Variants in RAB27A observed in about 807,000 individuals in gnomAD.
RAB27A encodes the protein RAB27A, member RAS oncogene family.
A neutral mutation model predicts 20.8 loss-of-function variants in RAB27A; 17 were observed. The observed-to-expected ratio is 0.82, with a 90% CI of 0.56 to 1.23. The LOEUF (loss-of-function observed/expected upper bound fraction) is 1.23. RAB27A is among the 50% of genes most tolerant of loss of function. The pLI is 0.00. For synonymous variants in RAB27A, 85 were observed against 92.8 expected (o/e 0.92, Z 0.48); for missense variants, 277 against 266.7 (o/e 1.04, Z -0.27).
intron 2 of RAB27A, among the ~76,000 whole-genome samples, chr15:55,258,123 T>G (rs563501365): frequency 1.1e-4 from 16 of 151,872 alleles, no homozygotes; most frequent in African/African-American, 3.9e-4. Flanking sequence ...AGTATCACTT[T>G]CCTCCAGCTC....
In RAB27A at chr15:55,234,966, A is replaced by G. The variant is rs770566993; in HGVS notation, c.-22-10T>C. 1.3e-6 allele frequency: 2 copies of G among 1,586,634 alleles called. No individual in the cohort carries two copies. The highest frequency in any genetic ancestry group is 1.7e-6 in the Non-Finnish European group (2 of 1,163,654). Reference sequence around the variant, plus strand: ...GAACTCAGTAGTTCACCTGTAAAATACACACAAAATTTTTTAATTAAAATC... The same window carrying G: ...GAACTCAGTAGTTCACCTGTAAAATGCACACAAAATTTTTTAATTAAAATC... On this transcript the variant is annotated splice_polypyrimidine_tract_variant and intron_variant, in intron 2 of 6. Coordinates refer to ENST00000336787, the MANE Select transcript of RAB27A (RefSeq NM_183235.3).
At chr15:55,272,291 C>T (rs961434084) in intron 1 of RAB27A, among the ~76,000 whole-genome samples, 32 of 152,128 alleles carry the variant, frequency 2.1e-4, no homozygotes, top group Non-Finnish European at 4.0e-4. Context: ...CCCAGCTACC[C>T]GGGAGGCTGA....
intron 1 of RAB27A, among the ~76,000 whole-genome samples, chr15:55,283,834 AT>A (rs1331876877): frequency 7.2e-5 from 11 of 152,184 alleles, no homozygotes; most frequent in Admixed American, 6.5e-4. Flanking sequence ...CAAAAGTATC[AT>A]ATTATTGTGT....
At chr15:55,260,392 A>C (rs1345537259) in intron 2 of RAB27A, among the ~76,000 whole-genome samples, 1 of 152,234 alleles carries the variant, frequency 6.6e-6, no homozygotes, top group African/African-American at 2.4e-5. Flanking sequence ...TTGTTTACAA[A>C]GCTAAACTTA....
At position 55,209,847 on chromosome 15, in the gene RAB27A, T is replaced by TATGTGTGTATATATACATATATACACAC. The variant is rs1894858010; in HGVS notation, c.468-4143_468-4142insGTGTGTATATATGTATATATACACACAT. On this transcript the variant is annotated intron_variant, in intron 6 of 6. Transcript: ENST00000336787. The stretch of plus-strand genomic sequence containing the variant: ...ATATATACATATATGTGTGTACACA[T>TATGTGTGTATATATACATATATACACAC]ATATGTGTGTATATACATATATACA... Among the ~76,000 whole-genome samples, 2 of 87,662 alleles carry TATGTGTGTATATATACATATATACACAC rather than the reference T, an allele frequency of 2.3e-5. 1 individual carries two copies. The highest frequency in any genetic ancestry group is 4.3e-5 in the Non-Finnish European group (2 of 46,362). 57.5% of individuals were successfully genotyped at this position (87,662 alleles called of 152,430 possible).
chr15:55,272,750 G>C (rs1897746034), intron 1 of RAB27A, among the ~76,000 whole-genome samples: 1 of 152,170 alleles, frequency 6.6e-6, no homozygotes. Context: ...ACAAAGATCA[G>C]GTAGTGGAAG....
chr15:55,316,020 TCAG>T (rs1276273094), intron 1 of RAB27A, among the ~76,000 whole-genome samples: 1 of 151,996 alleles, frequency 6.6e-6, no homozygotes, highest in East Asian at 1.9e-4. Context: ...GATCACGAGG[TCAG>T]CAGATTGAAA....
At chr15:55,274,333 CA>C (rs1387245354) in intron 1 of RAB27A, among the ~76,000 whole-genome samples, 1 of 150,772 alleles carries the variant, frequency 6.6e-6, no homozygotes, top group Non-Finnish European at 1.5e-5. Flanking sequence ...TATACTGCAA[CA>C]AACTAGAAAA....
intron 2 of RAB27A, among the ~76,000 whole-genome samples, chr15:55,300,959 A>T (rs936086541): frequency 6.6e-6 from 1 of 152,132 alleles, no homozygotes; most frequent in Non-Finnish European, 1.5e-5. Context: ...TCTTTTTCTC[A>T]AGAGACCCAA....
intron 2 of RAB27A, among the ~76,000 whole-genome samples, chr15:55,262,616 T>G (rs1299916566): frequency 6.9e-6 from 1 of 145,482 alleles, no homozygotes; most frequent in Admixed American, 7.0e-5. Flanking sequence ...ACAGGTAGTC[T>G]TATCTCTTTT....
chr15:55,276,675 T>C lies in RAB27A; in HGVS notation c.-142-6391A>G, dbSNP rs191806288. Among the ~76,000 whole-genome samples the C allele has an allele frequency of 3.4e-4, 52 of 152,306 alleles. 1 individual carries two copies. Among genetic ancestry groups the C allele is most frequent in the Non-Finnish European group, 4.0e-4 (27 of 68,024 alleles). On this transcript the variant is annotated intron_variant, in intron 1 of 6. Coordinates refer to ENST00000336787, the MANE Select transcript of RAB27A (RefSeq NM_183235.3). ...GGAGGAGGGGGAAATGGGAAGGTCATAGTTAAAGAGAACAAGTTTCAGTTA... is the reference window on the plus strand; with the variant it reads ...GGAGGAGGGGGAAATGGGAAGGTCACAGTTAAAGAGAACAAGTTTCAGTTA...
chr15:55,305,850 G>C (rs1270991439), intron 2 of RAB27A, among the ~76,000 whole-genome samples: 4 of 152,144 alleles, frequency 2.6e-5, no homozygotes, highest in Non-Finnish European at 5.9e-5. Context: ...GTTTGTAGTA[G>C]AACTGAGTAC....
intron 2 of RAB27A, among the ~76,000 whole-genome samples, chr15:55,299,338 A>T (rs1476982849): frequency 6.6e-6 from 1 of 152,214 alleles, no homozygotes; most frequent in Non-Finnish European, 1.5e-5. Flanking sequence ...TCATGCCTGT[A>T]ATCCCAGCAC....
At chr15:55,294,589 G>GAAAAAAAAAAAAAAAAA (rs1181179911), upstream of RAB27A, among the ~76,000 whole-genome samples, 8 of 29,180 alleles carry the variant, frequency 2.7e-4, no homozygotes, top group Non-Finnish European at 5.2e-4. Context: ...CCCTGTCTCC[G>GAAAAAAAAAAAAAAAAA]AAAAAAAAAA....
chr15:55,271,564 C>T (rs923829774), intron 1 of RAB27A, among the ~76,000 whole-genome samples: 2 of 152,244 alleles, frequency 1.3e-5, no homozygotes, highest in African/African-American at 2.4e-5. Flanking sequence ...GCTGGATACA[C>T]CTTCCCTGTG....
At chr15:55,224,122 G>A (rs1363458564) in intron 5 of RAB27A, 110 bp from the exon 6 acceptor site, 3 of 811,188 alleles carry the variant, frequency 3.7e-6, no homozygotes, top group Non-Finnish European at 5.9e-6. Context: ...TATAGATATT[G>A]GGAATTGACA....
At chr15:55,290,346 T>C (rs1377947927), upstream of RAB27A, 3 of 152,194 alleles carry the variant, frequency 2.0e-5, no homozygotes, top group Non-Finnish European at 4.4e-5. Context: ...GGCTCCTGGC[T>C]TAGGTCGGCC....
At chr15:55,306,140 G>A (rs774246157) in intron 2 of RAB27A, among the ~76,000 whole-genome samples, 1 of 152,162 alleles carries the variant, frequency 6.6e-6, no homozygotes, top group Non-Finnish European at 1.5e-5. Flanking sequence ...TGATGCATTG[G>A]GAGTTGGTTG....
At chr15:55,263,633 C>T (rs1393922439) in intron 2 of RAB27A, among the ~76,000 whole-genome samples, 21 of 152,144 alleles carry the variant, frequency 1.4e-4, no homozygotes, top group Admixed American at 1.4e-3. Context: ...AACGTTTATG[C>T]ATTCTGTAAT....
Sources: allele counts gnomAD v4.1 joint callset (sites outside exome capture counted in the v4.1 genomes callset), GRCh38; gene constraint gnomAD v4.1.1; transcripts MANE v1.5; gene names NCBI Gene and HGNC (gene_info 2026-07-23, HGNC 2026-07-21).